The following PAK5 variants were observed in gnomAD, a reference collection of about 807,000 sequenced individuals.
PAK5 encodes the protein serine/threonine-protein kinase PAK 5.
PAK5 carries 16 observed loss-of-function variants against 65.9 expected under a neutral mutation model. That is an observed-to-expected ratio of 0.24 (90% CI 0.16 to 0.37). PAK5 has a LOEUF of 0.37. Ranked by LOEUF, PAK5 falls within the 10% of genes least tolerant of loss-of-function variation. The pLI, the probability that PAK5 is intolerant of heterozygous loss-of-function variation, is 1.00. For missense variants in PAK5, 785 were observed against 903.9 expected (o/e 0.87, Z 1.69); for synonymous variants, 371 against 354.9 (o/e 1.05, Z -0.51).
At chr20:9,619,546 C>T (rs1347603385) in intron 3 of PAK5, among the ~76,000 whole-genome samples, 1 of 152,122 alleles carries the variant, frequency 6.6e-6, no homozygotes, top group Non-Finnish European at 1.5e-5. Context: ...GTGTTCAGGT[C>T]CCTTTTAAGG....
intron 1 of PAK5, among the ~76,000 whole-genome samples, chr20:9,723,709 C>T (rs2123528140): frequency 6.6e-6 from 1 of 152,198 alleles, no homozygotes; most frequent in African/African-American, 2.4e-5. Flanking sequence ...GAAGAGAAGC[C>T]ATGTGGCCCT....
intron 1 of PAK5, among the ~76,000 whole-genome samples, chr20:9,806,113 C>A (rs2049229179): frequency 1.3e-5 from 2 of 151,880 alleles, no homozygotes; most frequent in Non-Finnish European, 2.9e-5. Context: ...TACAGGCATG[C>A]AACAACATGC....
intron 3 of PAK5, among the ~76,000 whole-genome samples, chr20:9,618,264 T>C (rs866906679): frequency 1.5e-4 from 23 of 152,198 alleles, no homozygotes; most frequent in Middle Eastern, 3.4e-3. Context: ...CCCCAAGTTT[T>C]AACCCCTCTA....
intron 2 of PAK5, among the ~76,000 whole-genome samples, chr20:9,646,993 C>G (rs1039605072): frequency 6.6e-6 from 1 of 152,170 alleles, no homozygotes; most frequent in African/African-American, 2.4e-5. Context: ...AATCAGGACA[C>G]AAATAAATGT....
chr20:9,801,536 C>T (rs1270286288), intron 1 of PAK5, among the ~76,000 whole-genome samples: 2 of 150,734 alleles, frequency 1.3e-5, no homozygotes, highest in African/African-American at 2.4e-5. Context: ...TACACTTATA[C>T]ATATAAATCT....
At chr20:9,806,973 A>G (rs2049240484) in intron 1 of PAK5, among the ~76,000 whole-genome samples, 1 of 152,030 alleles carries the variant, frequency 6.6e-6, no homozygotes, top group Non-Finnish European at 1.5e-5. Context: ...TCTACAGTCT[A>G]CCCACATTCC....
intron 1 of PAK5, among the ~76,000 whole-genome samples, chr20:9,778,948 T>C (rs1400300785): frequency 6.6e-6 from 1 of 152,208 alleles, no homozygotes; most frequent in Non-Finnish European, 1.5e-5. Flanking sequence ...TAATCTTTCT[T>C]CTGGCCTTTG....
Position 9,674,718 on chromosome 20 carries a change from G to C in PAK5, c.-11-30379C>G, listed in dbSNP as rs569425727. On this transcript the variant is annotated intron_variant, in intron 2 of 9. Coordinates refer to ENST00000353224, the MANE Select transcript of PAK5 (RefSeq NM_177990.4). ...TGCTTTCAGGAAAGCAGGGCAGGTG[G>C]AAGTGAGAGCTGAACAGGCTGTGAC... Among the ~76,000 whole-genome samples the C allele has an allele frequency of 2.0e-5, 3 of 152,278 alleles. No individual in the cohort carries two copies. The South Asian group carries it at 6.2e-4, about 32-fold the overall frequency.
At chr20:9,662,021 T>C (rs1243299252) in intron 2 of PAK5, among the ~76,000 whole-genome samples, 1 of 152,176 alleles carries the variant, frequency 6.6e-6, no homozygotes, top group Non-Finnish European at 1.5e-5. Flanking sequence ...AACTATATAC[T>C]ACAATAGAAG....
chr20:9,593,116 A>T (rs1489530698), intron 3 of PAK5, among the ~76,000 whole-genome samples: 1 of 152,046 alleles, frequency 6.6e-6, no homozygotes, highest in African/African-American at 2.4e-5. Flanking sequence ...CCTGGGCAAC[A>T]TAGCTAGATC....
At position 9,734,053 on chromosome 20, in the gene PAK5, T is replaced by C. The variant is rs151121543; in HGVS notation, c.-161-22618A>G. On this transcript the variant is annotated intron_variant, in intron 1 of 9. Transcript: ENST00000353224. Reference sequence around the variant, plus strand: ...GTAGAAATCCTTCCAAAGACCATCATAGAGAAGAAGGTGTCTTGAGGAAGC... The same window carrying C: ...GTAGAAATCCTTCCAAAGACCATCACAGAGAAGAAGGTGTCTTGAGGAAGC... Among the ~76,000 whole-genome samples the C allele has an allele frequency of 1.8e-3, 279 of 152,284 alleles. 5 individuals are homozygous for C. In the South Asian group the frequency reaches 0.036, roughly 19 times the overall value.
At chr20:9,599,149 C>T (rs535332777) in intron 3 of PAK5, among the ~76,000 whole-genome samples, 2 of 152,310 alleles carry the variant, frequency 1.3e-5, no homozygotes, top group East Asian at 1.9e-4. Flanking sequence ...GTTTATTTCA[C>T]TTCGCATAGT....
chr20:9,748,882 T>C (rs2048540101), intron 1 of PAK5, among the ~76,000 whole-genome samples: 1 of 152,192 alleles, frequency 6.6e-6, no homozygotes. Context: ...ATAGCCACAG[T>C]GGCTAGTGGC....
chr20:9,562,904 C>A lies in PAK5; in HGVS notation c.1603G>T (p.Val535Leu). Residue 535 changes from valine to leucine, a missense_variant, in exon 6 of 10, where the codon GTG becomes TTG. Physicochemically the swap from Val to Leu is conservative, Grantham distance 32. Around this residue, in one of 4 missense-constraint regions of PAK5, gnomAD observed 182 missense variants for 273.0 expected, o/e 0.67. Transcript: ENST00000353224. ...AAAGAAGCCTACCTGGTGTGAGTCA[C>A]AATGTCTGTCAAGGCACCACCTTCT... ...FLEGGALTDI[V>L]THTRMNEEQI... The A allele has an allele frequency of 6.2e-7, 1 of 1,613,706 alleles. No homozygotes were observed. Among genetic ancestry groups the A allele is most frequent in the Non-Finnish European group, 8.5e-7 (1 of 1,179,804 alleles).
intron 1 of PAK5, among the ~76,000 whole-genome samples, chr20:9,729,349 G>C (rs1451882516): frequency 1.3e-5 from 2 of 152,094 alleles, no homozygotes; most frequent in African/African-American, 4.8e-5. Context: ...GAAAAGTTAG[G>C]ATGTCTGATA....
At chr20:9,754,178 C>T (rs1442187955) in intron 1 of PAK5, among the ~76,000 whole-genome samples, 1 of 152,124 alleles carries the variant, frequency 6.6e-6, no homozygotes, top group African/African-American at 2.4e-5. Context: ...AATGTAACTG[C>T]CCAGTGAGTT....
intron 2 of PAK5, among the ~76,000 whole-genome samples, chr20:9,662,662 G>A (rs992032984): frequency 2.0e-5 from 3 of 152,132 alleles, no homozygotes; most frequent in African/African-American, 7.2e-5. Flanking sequence ...TGCTGACCAG[G>A]AGCACCTGCA....
chr20:9,738,243 G>C (rs2048413036), intron 1 of PAK5, among the ~76,000 whole-genome samples: 1 of 152,008 alleles, frequency 6.6e-6, no homozygotes, highest in South Asian at 2.1e-4. Flanking sequence ...AACCCACTTT[G>C]GAAAACAGTT....
intron 2 of PAK5, among the ~76,000 whole-genome samples, chr20:9,675,609 C>A (rs2123383999): frequency 6.6e-6 from 1 of 152,306 alleles, no homozygotes; most frequent in African/African-American, 2.4e-5. Flanking sequence ...TCCTGAGAAG[C>A]TGGGACTACA....
Sources: allele counts gnomAD v4.1 joint callset (sites outside exome capture counted in the v4.1 genomes callset), GRCh38; gene constraint gnomAD v4.1.1; regional missense constraint gnomAD v4.1.1; transcripts MANE v1.5; gene names NCBI Gene and HGNC (gene_info 2026-07-23, HGNC 2026-07-21).